KGD4: variants seen among roughly 807,000 people sequenced by gnomAD.
The protein encoded by KGD4 is alpha-ketoglutarate dehydrogenase component 4.
chr5:69,222,868 CA>C, the KGD4 span, among the ~76,000 whole-genome samples: 4 of 151,758 alleles, frequency 2.6e-5, no homozygotes, highest in African/African-American at 9.7e-5. Flanking sequence ...ACTTCCACTC[CA>C]GGGTTCAAGC....
At chr5:69,223,065 G>A in the KGD4 span, among the ~76,000 whole-genome samples, 26 of 115,562 alleles carry the variant, frequency 2.2e-4, no homozygotes, top group Admixed American at 2.4e-3. Context: ...CGTGAGTCAC[G>A]GTGCGCAGCT....
chr5:69,221,303 G>A, the KGD4 span, among the ~76,000 whole-genome samples: 4 of 151,940 alleles, frequency 2.6e-5, no homozygotes, highest in East Asian at 3.9e-4. Flanking sequence ...GGAGTTTGAC[G>A]CTGCAGTGAA....
the KGD4 span, chr5:69,218,037 C>A: frequency 8.9e-7 from 1 of 1,120,002 alleles, no homozygotes. Context: ...GACTTTGAGC[C>A]TGTTGGACCG....
chr5:69,222,326 G>T, the KGD4 span, among the ~76,000 whole-genome samples: 2 of 152,188 alleles, frequency 1.3e-5, no homozygotes, highest in African/African-American at 4.8e-5. Context: ...GATAGGCATG[G>T]AAGTGGAATG....
At chr5:69,218,074 G>A in the KGD4 span, 11 of 754,588 alleles carry the variant, frequency 1.5e-5, no homozygotes, top group Non-Finnish European at 2.1e-5. Context: ...CGGCGCCGAG[G>A]GTTCGAGCCT....
At chr5:69,222,850 G>A in the KGD4 span, among the ~76,000 whole-genome samples, 4 of 149,304 alleles carry the variant, frequency 2.7e-5, no homozygotes, top group East Asian at 2.0e-4. Flanking sequence ...GCAGTGGCTC[G>A]ATCTCGGACT....
chr5:69,218,413 G>C, the KGD4 span, among the ~76,000 whole-genome samples: 1 of 152,092 alleles, frequency 6.6e-6, no homozygotes, highest in Non-Finnish European at 1.5e-5. Context: ...CTACAGGCCA[G>C]ATGAGGGAAA....
At chr5:69,228,469 G>A in the KGD4 span, 10 of 1,332,996 alleles carry the variant, frequency 7.5e-6, no homozygotes, top group Non-Finnish European at 9.4e-6. Flanking sequence ...TGATTTACAT[G>A]CTATTCCTAT....
At chr5:69,219,345 G>GAGTTACT in the KGD4 span, among the ~76,000 whole-genome samples, 1 of 152,120 alleles carries the variant, frequency 6.6e-6, no homozygotes, top group African/African-American at 2.4e-5. Context: ...AGAAAAAAAA[G>GAGTTACT]AGTTACTAGC....
the KGD4 span, chr5:69,229,188 C>T: frequency 6.2e-7 from 1 of 1,607,674 alleles, no homozygotes; most frequent in Non-Finnish European, 8.5e-7. Context: ...AATCTTACTG[C>T]TTTATTTTTT....
At chr5:69,227,892 G>A in the KGD4 span, among the ~76,000 whole-genome samples, 2 of 152,196 alleles carry the variant, frequency 1.3e-5, no homozygotes, top group African/African-American at 4.8e-5. Flanking sequence ...ATGGCTGGCA[G>A]GATGTTTGCT....
chr5:69,218,477 TG>T, the KGD4 span, among the ~76,000 whole-genome samples: 1,571 of 113,254 alleles, frequency 0.014, 15 homozygotes, highest in Middle Eastern at 0.07. Flanking sequence ...TTAATGTGTG[TG>T]TGTGTGTGTG....
At chr5:69,222,966 CAG>C in the KGD4 span, among the ~76,000 whole-genome samples, 1 of 149,258 alleles carries the variant, frequency 6.7e-6, no homozygotes, top group African/African-American at 2.5e-5. Flanking sequence ...TTAGTAGAGA[CAG>C]GGTTTCACCG....
chr5:69,219,418 G>A, the KGD4 span, among the ~76,000 whole-genome samples: 1 of 152,146 alleles, frequency 6.6e-6, no homozygotes, highest in Admixed American at 6.6e-5. Flanking sequence ...CATCTCAGCA[G>A]GCAGGTACTA....
chr5:69,222,590 G>A, the KGD4 span, among the ~76,000 whole-genome samples: 8 of 152,214 alleles, frequency 5.3e-5, no homozygotes, highest in African/African-American at 1.7e-4. Context: ...CTTTTAAGTT[G>A]TAGAGAGGGA....
At chr5:69,222,969 G>A in the KGD4 span, among the ~76,000 whole-genome samples, 1 of 149,412 alleles carries the variant, frequency 6.7e-6, no homozygotes, top group Admixed American at 6.7e-5. Flanking sequence ...GTAGAGACAG[G>A]GTTTCACCGT....
chr5:69,218,463 T>A, the KGD4 span, among the ~76,000 whole-genome samples: 107 of 119,088 alleles, frequency 9.0e-4, no homozygotes, highest in Admixed American at 3.3e-3. Context: ...TGTGTGTGTG[T>A]ATATTAATGT....
At chr5:69,217,895 G>C in the KGD4 span, 9 of 1,614,066 alleles carry the variant, frequency 5.6e-6, no homozygotes, top group Non-Finnish European at 7.6e-6. Context: ...TCGCGTTTCC[G>C]CATCTTGGGC....
the KGD4 span, among the ~76,000 whole-genome samples, chr5:69,223,977 G>C: frequency 1.3e-5 from 2 of 149,792 alleles, no homozygotes; most frequent in Non-Finnish European, 3.0e-5. Flanking sequence ...AGGTTGCAGT[G>C]AGCCATGATT....
Sources: allele counts gnomAD v4.1 joint callset (sites outside exome capture counted in the v4.1 genomes callset), GRCh38; gene constraint gnomAD v4.1.1; transcripts MANE v1.5; gene names NCBI Gene and HGNC (gene_info 2026-07-23, HGNC 2026-07-21).